GNL1: variants seen among roughly 807,000 people sequenced by gnomAD.
GNL1 encodes guanine nucleotide-binding protein-like 1.
In GNL1, 21 loss-of-function variants were observed where a neutral mutation model predicts 75.2. The ratio of observed to expected loss-of-function variants is 0.28; its 90% confidence interval spans 0.20 to 0.40. The LOEUF (loss-of-function observed/expected upper bound fraction) is 0.40, where lower values mean the gene tolerates loss of function less well. Ranked by LOEUF, GNL1 falls within the 10% of genes least tolerant of loss-of-function variation. GNL1 has a pLI of 1.00. For synonymous variants in GNL1, 287 were observed against 303.4 expected, an observed-to-expected ratio of 0.95 and a Z score of 0.56; for missense variants, 579 against 775.0, an observed-to-expected ratio of 0.75 and a Z score of 3.00.
In GNL1 at chr6:30,545,955, G is replaced by C; in HGVS notation, c.*117C>G. ...GCCGCTCTCACCTCAGTTCATCTGGGGAAGGGGCTACAAAGCAAACAATCT... is the reference window on the plus strand; with the variant it reads ...GCCGCTCTCACCTCAGTTCATCTGGCGAAGGGGCTACAAAGCAAACAATCT... On this transcript the variant is annotated 3_prime_UTR_variant, in exon 12 of 12. Coordinates refer to ENST00000376621, the MANE Select transcript of GNL1 (RefSeq NM_005275.5). 1 of 751,958 alleles carries C rather than the reference G, an allele frequency of 1.3e-6. No individual in the cohort carries two copies. The highest frequency in any genetic ancestry group is 2.2e-6 in the Non-Finnish European group (1 of 446,722). The allele number at this position is 751,958 out of a possible 1,614,324, so 46.6% of individuals were successfully genotyped here.
chr6:30,556,356 C>T lies in GNL1; in HGVS notation c.-153G>A, dbSNP rs1800194359. 1.3e-6 allele frequency: 1 copy of T among 795,844 alleles called. No homozygotes were observed. Among genetic ancestry groups the T allele is most frequent in the Non-Finnish European group, 2.0e-6 (1 of 498,252 alleles). The allele number at this position is 795,844 out of a possible 1,614,324, so 49.3% of individuals were successfully genotyped here. On this transcript the variant is annotated 5_prime_UTR_variant, in exon 1 of 12. Coordinates refer to ENST00000376621, the MANE Select transcript of GNL1 (RefSeq NM_005275.5). This position sits in a 1 kb window ranked among gnomAD's most constrained non-coding sequence, Gnocchi z 5.7. ...CGGGCGGGCCCGACAGAATTACCGC[C>T]GCGGCGGCGATGGAAGGCGGACGGG...
Position 30,547,993 on chromosome 6 carries a change from T to G in GNL1, c.1100-463A>C, listed in dbSNP as rs1361417771. Among the ~76,000 whole-genome samples, 4 of 152,090 alleles carry G rather than the reference T, an allele frequency of 2.6e-5. No homozygotes were observed. Among genetic ancestry groups the G allele is most frequent in the Non-Finnish European group, 4.4e-5 (3 of 68,006 alleles). On this transcript the variant is annotated intron_variant, in intron 8 of 11. Coordinates refer to ENST00000376621, the MANE Select transcript of GNL1 (RefSeq NM_005275.5). This position sits in a 1 kb window ranked among gnomAD's most constrained non-coding sequence, Gnocchi z 5.5. ...GACTTCAAGACCAGCCTGGCCAACA[T>G]GGTGAAACCCCATCTCTACTAAAAA...
At position 30,547,536 on chromosome 6, in the gene GNL1, G is replaced by A. The variant is rs752706553; in HGVS notation, c.1100-6C>T. 1 of 1,612,954 alleles carries A rather than the reference G, an allele frequency of 6.2e-7. No homozygotes were observed. The highest frequency in any genetic ancestry group is 8.5e-7 in the Non-Finnish European group (1 of 1,179,398). On this transcript the variant is annotated splice_region_variant and splice_polypyrimidine_tract_variant and intron_variant, in intron 8 of 11. Coordinates refer to ENST00000376621, the MANE Select transcript of GNL1 (RefSeq NM_005275.5). The surrounding 1 kb of genome is among the most constrained non-coding windows in gnomAD (Gnocchi z 5.5). ...CTTTCCCACATTAGGGAAACCTGAG[G>A]AAGGCAAGGAAAATTAACGTTTAAC...
In GNL1 at chr6:30,555,638, G is replaced by T; in HGVS notation, c.156C>A (p.Asp52Glu). Residue 52 changes from aspartate to glutamate, a missense_variant, in exon 2 of 12, where the codon GAC becomes GAA. Coordinates refer to ENST00000376621, the MANE Select transcript of GNL1 (RefSeq NM_005275.5). This position sits in a 1 kb window ranked among gnomAD's most constrained non-coding sequence, Gnocchi z 4.3. ...GGATATGATGGGTCACAGACTCCCCGTCCGAGGTGTCGGTCTGTTCCTCTC... is the reference window on the plus strand; with the variant it reads ...GGATATGATGGGTCACAGACTCCCCTTCCGAGGTGTCGGTCTGTTCCTCTC... ...ERREEQTDTS[D>E]GESVTHHIRR... is the part of the protein sequence containing the mutation. 1 of 1,613,990 alleles carries T rather than the reference G, an allele frequency of 6.2e-7. No individual in the cohort carries two copies. Among genetic ancestry groups the T allele is most frequent in the Non-Finnish European group, 8.5e-7 (1 of 1,179,926 alleles).
chr6:30,546,653 T>C lies in GNL1; in HGVS notation c.1582+43A>G. 8 of 1,527,802 alleles carry C rather than the reference T, an allele frequency of 5.2e-6. No homozygotes were observed. Among genetic ancestry groups the C allele is most frequent in the Non-Finnish European group, 7.2e-6 (8 of 1,117,704 alleles). 94.6% of individuals were successfully genotyped at this position (1,527,802 alleles called of 1,614,324 possible). On this transcript the variant is annotated intron_variant, in intron 11 of 11. Transcript: ENST00000376621. This position sits in a 1 kb window ranked among gnomAD's most constrained non-coding sequence, Gnocchi z 5.1. ...GCCACAAAGCCCACACCCTTTTACC[T>C]ACGCTATAGCAGGGGGCTGGGGAAG...
chr6:30,556,350 T>A lies in GNL1; in HGVS notation c.-147A>T. 1 of 828,434 alleles carries A rather than the reference T, an allele frequency of 1.2e-6. No homozygotes were observed. The highest frequency in any genetic ancestry group is 1.9e-6 in the Non-Finnish European group (1 of 525,766). The allele number at this position is 828,434 out of a possible 1,614,324, so 51.3% of individuals were successfully genotyped here. Reference sequence around the variant, plus strand: ...CGTCAGCGGGCGGGCCCGACAGAATTACCGCCGCGGCGGCGATGGAAGGCG... The same window carrying A: ...CGTCAGCGGGCGGGCCCGACAGAATAACCGCCGCGGCGGCGATGGAAGGCG... On this transcript the variant is annotated 5_prime_UTR_variant, in exon 1 of 12. Coordinates refer to ENST00000376621, the MANE Select transcript of GNL1 (RefSeq NM_005275.5). The surrounding 1 kb of genome is among the most constrained non-coding windows in gnomAD (Gnocchi z 5.7).
Position 30,547,233 on chromosome 6 carries a change from G to A in GNL1, c.1320C>T (p.Pro440=), listed in dbSNP as rs779802037. The change falls in exon 10 of 12, where the codon CCC becomes CCT. Residue 440 remains proline, a synonymous_variant. Coordinates refer to ENST00000376621, the MANE Select transcript of GNL1 (RefSeq NM_005275.5). The surrounding 1 kb of genome is among the most constrained non-coding windows in gnomAD (Gnocchi z 5.5). ...GIYPIAQIQE[P]YTAVGYLASR... ...AGGCCAGGTAGCCCACAGCAGTGTA[G>A]GGCTCCTGGATCTGGGCGATAGGGT... 11 of 1,611,506 alleles carry A rather than the reference G, an allele frequency of 6.8e-6. No individual in the cohort carries two copies. Among genetic ancestry groups the A allele is most frequent in the Non-Finnish European group, 9.3e-6 (11 of 1,178,864 alleles).
Position 30,545,903 on chromosome 6 carries a change from G to A in GNL1, c.*169C>T, listed in dbSNP as rs1799417755. On this transcript the variant is annotated 3_prime_UTR_variant, in exon 12 of 12. Transcript: ENST00000376621. ...AAAAAGAAGGGAGAAGAGGAGAGAAGCCTCCCACAGCTGTTAGCCTGGAAC... is the reference window on the plus strand; with the variant it reads ...AAAAAGAAGGGAGAAGAGGAGAGAAACCTCCCACAGCTGTTAGCCTGGAAC... 8.4e-6 allele frequency: 5 copies of A among 596,316 alleles called. No individual in the cohort carries two copies. Among genetic ancestry groups the A allele is most frequent in the Non-Finnish European group, 1.5e-5 (5 of 339,276 alleles). 36.9% of individuals were successfully genotyped at this position (596,316 alleles called of 1,614,324 possible). A position where few individuals can be genotyped will look rare whatever the true frequency, so the allele number is the denominator to read the frequency against.
chr6:30,546,459 CTA>C lies in GNL1; in HGVS notation c.1583-148_1583-147del, dbSNP rs1258798348. 1.4e-6 allele frequency: 1 copy of C among 691,438 alleles called. No homozygotes were observed. The highest frequency in any genetic ancestry group is 1.8e-5 in the African/African-American group (1 of 55,082). The allele number at this position is 691,438 out of a possible 1,614,324, so 42.8% of individuals were successfully genotyped here. A position where few individuals can be genotyped will look rare whatever the true frequency, so the allele number is the denominator to read the frequency against. ...TTCATTCATCCATTCATTCAACTTCCTATGTGCAGATTGCTGAACAGAACCTT... is the reference window on the plus strand; with the variant it reads ...TTCATTCATCCATTCATTCAACTTCCTGTGCAGATTGCTGAACAGAACCTT... On this transcript the variant is annotated intron_variant, in intron 11 of 11. Coordinates refer to ENST00000376621, the MANE Select transcript of GNL1 (RefSeq NM_005275.5). This position sits in a 1 kb window ranked among gnomAD's most constrained non-coding sequence, Gnocchi z 5.1.
rs1799480559 is a variant in GNL1, at chr6:30,546,793, C to T, written c.1485G>A (p.Arg495=). 6.3e-7 allele frequency: 1 copy of T among 1,597,258 alleles called. No homozygotes were observed. The highest frequency in any genetic ancestry group is 8.6e-7 in the Non-Finnish European group (1 of 1,167,382). ...KRGYKTAKAA[R]NDVYRAANSL... ...TGTTGGCTGCTCTGTACACATCATT[C>T]CGAGCCGCCTTGGCTGTCTTGTAAC... is the stretch of plus-strand genomic sequence containing the variant. Residue 495 remains arginine (R), a synonymous_variant, in exon 11 of 12, where the codon CGG becomes CGA. Transcript: ENST00000376621. The surrounding 1 kb of genome is among the most constrained non-coding windows in gnomAD (Gnocchi z 5.1).
Position 30,544,879 on chromosome 6 carries a change from C to T in GNL1, c.*1193G>A, listed in dbSNP as rs1799364239. 1 of 152,146 alleles carries T rather than the reference C, an allele frequency of 6.6e-6. No homozygotes were observed. The highest frequency in any genetic ancestry group is 1.5e-5 in the Non-Finnish European group (1 of 68,040). 9.4% of individuals were successfully genotyped at this position (152,146 alleles called of 1,614,324 possible). ...ATCTAGTGGGCAACCTGTCCAACTACACTTTTTGCTATCATCCAATACAGA... is the reference window on the plus strand; with the variant it reads ...ATCTAGTGGGCAACCTGTCCAACTATACTTTTTGCTATCATCCAATACAGA... On this transcript the variant is annotated 3_prime_UTR_variant, in exon 12 of 12. Transcript: ENST00000376621.
chr6:30,555,595 G>C lies in GNL1; in HGVS notation c.199C>G (p.Pro67Ala), dbSNP rs376612084. 6.2e-7 allele frequency: 1 copy of C among 1,613,852 alleles called. No individual in the cohort carries two copies. Among genetic ancestry groups the C allele is most frequent in the Admixed American group, 1.7e-5 (1 of 59,998 alleles). ...CCTCGTGGACCCAGCCCCTGAGAAG[G>C]CTGCTGGTTAAGCCTGCGGATATGA... ...THHIRRLNQQ[P>A]SQGLGPRGYD... The change falls in exon 2 of 12, where the codon CCT (proline) becomes GCT (alanine). Residue 67 changes from proline to alanine, a missense_variant. Coordinates refer to ENST00000376621, the MANE Select transcript of GNL1 (RefSeq NM_005275.5). The surrounding 1 kb of genome is among the most constrained non-coding windows in gnomAD (Gnocchi z 4.3).
Position 30,545,523 on chromosome 6 carries a change from C to A in GNL1, c.*549G>T. On this transcript the variant is annotated 3_prime_UTR_variant, in exon 12 of 12. Transcript: ENST00000376621. ...GGTACATCCTTATATGCTTGGTGCT[C>A]AGCACAGGTCAAGACACACAATAGA... 6.5e-6 allele frequency: 1 copy of A among 153,610 alleles called. No homozygotes were observed. The highest frequency in any genetic ancestry group is 1.5e-5 in the Non-Finnish European group (1 of 68,942). 9.5% of individuals were successfully genotyped at this position (153,610 alleles called of 1,614,324 possible).
In GNL1 at chr6:30,552,166, G is replaced by A. The variant is rs535396041; in HGVS notation, c.1099+301C>T. 1.1e-4 allele frequency: 42 copies of A among 391,952 alleles called. No individual in the cohort carries two copies. Among genetic ancestry groups the A allele is most frequent in the Non-Finnish European group, 1.6e-4 (35 of 218,684 alleles). The allele number at this position is 391,952 out of a possible 1,614,324, so 24.3% of individuals were successfully genotyped here. ...TAGGCATGAGCCCTCACACATGGCC[G>A]TCATCCATTCTTTTACTCAGGTATC... is the stretch of plus-strand genomic sequence containing the variant. On this transcript the variant is annotated intron_variant, in intron 8 of 11. Coordinates refer to ENST00000376621, the MANE Select transcript of GNL1 (RefSeq NM_005275.5). The surrounding 1 kb of genome is among the most constrained non-coding windows in gnomAD (Gnocchi z 4.5).
At position 30,553,492 on chromosome 6, in the gene GNL1, C is replaced by G. The variant is rs1440691914; in HGVS notation, c.666G>C (p.Leu222=). 1.2e-6 allele frequency: 2 copies of G among 1,612,880 alleles called. No homozygotes were observed. Among genetic ancestry groups the G allele is most frequent in the African/African-American group, 2.7e-5 (2 of 74,912 alleles). The change falls in exon 6 of 12, where the codon CTG becomes CTC. Residue 222 remains leucine (L), a synonymous_variant. Transcript: ENST00000376621. The part of the protein sequence containing the change: ...VTGELGLALV[L]VLNKVDLAPP... ...GGGCCAGATCCACCTTGTTCAAAAC[C>G]AGCACCAGGGCCAGTCCAAGTTCTC...
rs1348336390 is a variant in GNL1 at position 30,552,604 on chromosome 6, C to T, written c.962G>A (p.Gly321Asp). 9 of 1,613,962 alleles carry T rather than the reference C, an allele frequency of 5.6e-6. No individual in the cohort carries two copies. Among genetic ancestry groups the T allele is most frequent in the South Asian group, 1.1e-5 (1 of 91,080 alleles). ...TTCCTCCTCCTCCCCAGAGCCATTACCCCAGGTGGCCCCAGCCACATCCCG... is the reference window on the plus strand; with the variant it reads ...TTCCTCCTCCTCCCCAGAGCCATTATCCCAGGTGGCCCCAGCCACATCCCG... ...IARDVAGATW[G>D]NGSGEEEEEE... Residue 321 changes from glycine to aspartate, a missense_variant, in exon 8 of 12, where the codon GGT becomes GAT. Physicochemically the swap from Gly to Asp is moderately conservative, Grantham distance 94. Coordinates refer to ENST00000376621, the MANE Select transcript of GNL1 (RefSeq NM_005275.5). This position sits in a 1 kb window ranked among gnomAD's most constrained non-coding sequence, Gnocchi z 4.5.
intron 5 of GNL1, among the ~76,000 whole-genome samples, chr6:30,554,058 A>G (rs920997571): frequency 2.0e-5 from 3 of 152,186 alleles, no homozygotes; most frequent in African/African-American, 4.8e-5. Flanking sequence ...ACATATTATT[A>G]AGGACCTCCA....
chr6:30,554,359 T>C (rs1418100934), intron 5 of GNL1, among the ~76,000 whole-genome samples: 1 of 152,132 alleles, frequency 6.6e-6, no homozygotes, highest in Non-Finnish European at 1.5e-5. Context: ...GGACAGGACA[T>C]GGCTGTTTTG....
Position 30,542,274 on chromosome 6 carries a change from A to G in GNL1, c.*3798T>C, listed in dbSNP as rs897404566. The G allele has an allele frequency of 1.6e-3, 236 of 150,546 alleles. No individual in the cohort carries two copies. Among genetic ancestry groups the G allele is most frequent in the African/African-American group, 5.5e-3 (226 of 40,806 alleles). 9.3% of individuals were successfully genotyped at this position (150,546 alleles called of 1,614,324 possible). On this transcript the variant is annotated 3_prime_UTR_variant, in exon 12 of 12. Transcript: ENST00000376621. The surrounding 1 kb of genome is among the most constrained non-coding windows in gnomAD (Gnocchi z 4.5). Reference sequence around the variant, plus strand: ...ATTTTCCCCGCCACCACCCATCAGCAGCGTTCCACGCCGCCCTTCCTTCCT... The same window carrying G: ...ATTTTCCCCGCCACCACCCATCAGCGGCGTTCCACGCCGCCCTTCCTTCCT...
Sources: allele counts gnomAD v4.1 joint callset (sites outside exome capture counted in the v4.1 genomes callset), GRCh38; gene constraint gnomAD v4.1.1; non-coding constraint Gnocchi (gnomAD v3.1); transcripts MANE v1.5; gene names NCBI Gene and HGNC (gene_info 2026-07-23, HGNC 2026-07-21).